BRF1: variants seen among roughly 807,000 people sequenced by gnomAD.
The protein encoded by BRF1 is transcription factor IIIB 90 kDa subunit.
Under a neutral mutation model 81.7 loss-of-function variants are expected in BRF1, and 59 were observed. That is an observed-to-expected ratio of 0.72 (90% CI 0.59 to 0.90). The LOEUF is 0.90. Among genes scored for constraint, BRF1 ranks in the 40% least tolerant of loss-of-function variants. The pLI is 0.00. For synonymous variants in BRF1, 491 were observed against 395.6 expected, an observed-to-expected ratio of 1.24 and a Z score of -2.86; for missense variants, 1,050 against 936.3, an observed-to-expected ratio of 1.12 and a Z score of -1.58.
At chr14:105,214,389 G>A (rs1193684719) in intron 15 of BRF1, among the ~76,000 whole-genome samples, 1 of 152,192 alleles carries the variant, frequency 6.6e-6, no homozygotes, top group African/African-American at 2.4e-5. Flanking sequence ...AGCTCGGAGG[G>A]AGCGGCTGCC....
In BRF1 at chr14:105,226,603, C is replaced by G. The variant is rs115754778; in HGVS notation, c.915+31G>C. On this transcript the variant is annotated intron_variant, in intron 8 of 17. Coordinates refer to ENST00000547530, the MANE Select transcript of BRF1 (RefSeq NM_001519.4). ...GGCTTCCCCCCAAGGCTGGCAAGCC[C>G]AGCACAGACAGACACCAAAGCCGGC... is the stretch of plus-strand genomic sequence containing the variant. 2.9e-3 allele frequency: 4,704 copies of G among 1,612,174 alleles called. 123 individuals are homozygous for G. In the African/African-American group the frequency reaches 0.056, roughly 19 times the overall value.
chr14:105,252,779 CT>C (rs2055683388), intron 4 of BRF1, among the ~76,000 whole-genome samples, 200 bp from the exon 5 acceptor site: 1 of 152,242 alleles, frequency 6.6e-6, no homozygotes, highest in East Asian at 1.9e-4. Context: ...TAAGCCGCTG[CT>C]TTAGGCCGTG....
chr14:105,248,547 C>A, intron 5 of BRF1: 2 of 821,708 alleles, frequency 2.4e-6, no homozygotes, highest in Non-Finnish European at 2.8e-6. Context: ...CGTGACGCAC[C>A]GGCGCCGCGG....
At chr14:105,211,770 C>CCTGAGCCCTGGAGGG (rs1890155244) in intron 16 of BRF1, 3 of 427,860 alleles carry the variant, frequency 7.0e-6, no homozygotes, top group African/African-American at 6.0e-5. Flanking sequence ...GTGAAAGACC[C>CCTGAGCCCTGGAGGG]CTGAGCCCTG....
chr14:105,308,637 T>C (rs903423863), intron 1 of BRF1, among the ~76,000 whole-genome samples: 1 of 151,722 alleles, frequency 6.6e-6, no homozygotes, highest in African/African-American at 2.4e-5. Context: ...TATGAGCCAC[T>C]GTGCCCAGCT....
At position 105,260,644 on chromosome 14, in the gene BRF1, G is replaced by A. The variant is rs12588639; in HGVS notation, c.440-4095C>T. The stretch of plus-strand genomic sequence containing the variant: ...GCTCACCTCAGCCTCCCAAAGTGCT[G>A]GGATTACAGACATAAGCCACCAAGC... On this transcript the variant is annotated intron_variant, in intron 3 of 17. Transcript: ENST00000547530. Among the ~76,000 whole-genome samples, 983 of 152,078 alleles carry A rather than the reference G, an allele frequency of 6.5e-3. 27 individuals carry two copies. In the East Asian group the frequency reaches 0.11, roughly 18 times the overall value.
chr14:105,223,559 C>A (rs1046678523), intron 10 of BRF1, among the ~76,000 whole-genome samples: 2 of 152,192 alleles, frequency 1.3e-5, no homozygotes, highest in Non-Finnish European at 2.9e-5. Flanking sequence ...AAAACATATA[C>A]TATGTGATCC....
chr14:105,215,947 A>G (rs1443375642), intron 15 of BRF1, among the ~76,000 whole-genome samples: 4 of 142,930 alleles, frequency 2.8e-5, no homozygotes, highest in Admixed American at 1.5e-4. Flanking sequence ...GCATACACAG[A>G]CACAGGCACA....
intron 1 of BRF1, among the ~76,000 whole-genome samples, chr14:105,287,264 G>A (rs587605765): frequency 3.9e-5 from 6 of 152,180 alleles, no homozygotes; most frequent in African/African-American, 9.7e-5. Flanking sequence ...TCACCAGCCC[G>A]ATCGCTGCAG....
At chr14:105,212,198 C>A (rs766255830) in intron 15 of BRF1, 34 bp from the exon 16 acceptor site, 5 of 1,602,232 alleles carry the variant, frequency 3.1e-6, no homozygotes, top group Admixed American at 3.4e-5. Context: ...CGGCCTCAGC[C>A]CAGGCTCCCG....
At position 105,211,392 on chromosome 14, in the gene BRF1, A is replaced by C. The variant is rs10129420; in HGVS notation, c.1825-99T>G. ...CAGGGCTGGCCCAGGATGCTCAGCC[A>C]CTCCCGCCACACCAGTGGCTCCCGG... On this transcript the variant is annotated intron_variant, in intron 16 of 17. Transcript: ENST00000547530. 12,308 of 1,133,392 alleles carry C rather than the reference A, an allele frequency of 0.011. 987 individuals carry two copies. The African/African-American group carries it at 0.18, about 16-fold the overall frequency. The allele number at this position is 1,133,392 out of a possible 1,614,324, so 70.2% of individuals were successfully genotyped here. A position where few individuals can be genotyped will look rare whatever the true frequency, so the allele number is the denominator to read the frequency against.
intron 5 of BRF1, chr14:105,249,403 A>G (rs1310854854): frequency 3.1e-6 from 5 of 1,613,102 alleles, no homozygotes; most frequent in African/African-American, 2.7e-5. Flanking sequence ...GCCATGTTCT[A>G]CGGAGACCTG....
intron 2 of BRF1, 138 bp downstream of exon 2, chr14:105,286,158 C>T: frequency 1.0e-6 from 1 of 989,998 alleles, no homozygotes. Context: ...TGGAAAGCAG[C>T]CTGGGCTGGG....
chr14:105,242,420 T>C (rs1466800992), intron 5 of BRF1: 1 of 152,010 alleles, frequency 6.6e-6, no homozygotes, highest in Non-Finnish European at 1.5e-5. Flanking sequence ...TCATCGCAGC[T>C]AGAAATAAAG....
At position 105,241,376 on chromosome 14, in the gene BRF1, C is replaced by T. The variant is rs201913661; in HGVS notation, c.583G>A (p.Glu195Lys). The change falls in exon 6 of 18, where the codon GAA becomes AAA. Residue 195 changes from glutamate (E) to lysine (K), a missense_variant. Transcript: ENST00000547530. The part of the protein sequence containing the change: ...LYIPRFAHLL[E>K]FGEKNHEVSM... The stretch of plus-strand genomic sequence containing the variant: ...ACCTCGTGGTTCTTCTCCCCGAATT[C>T]CAGCAGGTGCGCAAAGCGTGGAATA... 6.2e-7 allele frequency: 1 copy of T among 1,612,786 alleles called. No homozygotes were observed.
chr14:105,253,695 C>T (rs1041940144), intron 4 of BRF1, among the ~76,000 whole-genome samples: 1 of 152,196 alleles, frequency 6.6e-6, no homozygotes, highest in Non-Finnish European at 1.5e-5. Flanking sequence ...GGCTGGGCCC[C>T]CACAGCAGCT....
chr14:105,244,814 G>A (rs1158062218), intron 5 of BRF1, among the ~76,000 whole-genome samples: 1 of 152,056 alleles, frequency 6.6e-6, no homozygotes, highest in Non-Finnish European at 1.5e-5. Context: ...TCTAAATTCT[G>A]TACCCCATGG....
At position 105,209,815 on chromosome 14, in the gene BRF1, C is replaced by T. The variant is rs1263639922; in HGVS notation, c.*736G>A. 1.9e-6 allele frequency: 1 copy of T among 513,570 alleles called. No individual in the cohort carries two copies. Among genetic ancestry groups the T allele is most frequent in the Non-Finnish European group, 3.4e-6 (1 of 292,784 alleles). The allele number at this position is 513,570 out of a possible 1,614,324, so 31.8% of individuals were successfully genotyped here. A position where few individuals can be genotyped will look rare whatever the true frequency, so the allele number is the denominator to read the frequency against. ...CTCAGCTGTCGGGCACTCAGTTCAC[C>T]TGCCGGCAGCCGCAGGGCTCCTGGG... On this transcript the variant is annotated 3_prime_UTR_variant, in exon 18 of 18. Transcript: ENST00000547530.
intron 12 of BRF1, 160 bp downstream of exon 12, chr14:105,219,909 G>A (rs1425179876): frequency 1.1e-5 from 8 of 743,382 alleles, no homozygotes; most frequent in Non-Finnish European, 1.7e-5. Context: ...TGTGGGGGGG[G>A]GTCCCGGGAA....
Sources: gnomAD v4.1 joint callset for allele counts (sites outside exome capture counted in the v4.1 genomes callset) on GRCh38, gnomAD v4.1.1 for gene constraint, MANE v1.5 for transcripts, NCBI Gene and HGNC (gene_info 2026-07-23, HGNC 2026-07-21) for gene names.